Variants in CENPV observed in about 807,000 individuals in gnomAD.
CENPV encodes nuclear protein p30.
CENPV carries 15 observed loss-of-function variants against 26.4 expected under a neutral mutation model. The ratio of observed to expected loss-of-function variants is 0.57; its 90% CI spans 0.38 to 0.88. The LOEUF is 0.88. Among genes scored for constraint, CENPV ranks in the 40% least tolerant of loss-of-function variants. The pLI, the probability that CENPV is intolerant of heterozygous loss-of-function variation, is 0.00. For synonymous variants in CENPV, 172 were observed against 165.5 expected (o/e 1.04, Z -0.30); for missense variants, 336 against 376.5 (o/e 0.89, Z 0.89).
At position 16,349,937 on chromosome 17, in the gene CENPV, T is replaced by G. The variant is rs1174264702; in HGVS notation, c.503A>C (p.Asp168Ala). ...VWASADLHIF[D>A]CNCSICKKKQ... ...GGGAAAAAAAAATACTCACTTGCAG[T>G]CAAATATATGCAAGTCTGCTGAGGC... Residue 168 changes from aspartate (D) to alanine (A), a missense_variant, in exon 2 of 5, where the codon GAC (aspartate) becomes GCC (alanine). This residue lies in a region of CENPV where 155 missense variants were observed against 227.8 expected (regional missense o/e 0.68). Transcript: ENST00000299736. The G allele has an allele frequency of 4.3e-6, 7 of 1,611,696 alleles. No homozygotes were observed. Among genetic ancestry groups the G allele is most frequent in the Non-Finnish European group, 5.9e-6 (7 of 1,179,450 alleles).
chr17:16,345,546 C>A (rs571513742), intron 3 of CENPV, among the ~76,000 whole-genome samples: 4 of 151,932 alleles, frequency 2.6e-5, no homozygotes, highest in East Asian at 1.9e-4. Context: ...AAAAAAAAAT[C>A]TTGAAATAAC....
intron 2 of CENPV, chr17:16,349,521 C>G (rs2093220875): frequency 1.0e-6 from 1 of 988,270 alleles, no homozygotes. Context: ...GCCTGGGGAG[C>G]CTCCAGGTGT....
At position 16,342,781 on chromosome 17, in the gene CENPV, A is replaced by G. The variant is rs763232508; in HGVS notation, c.*36T>C. The G allele has an allele frequency of 4.5e-5, 73 of 1,613,252 alleles. No homozygotes were observed. Among genetic ancestry groups the G allele is most frequent in the Non-Finnish European group, 5.4e-5 (64 of 1,179,552 alleles). On this transcript the variant is annotated 3_prime_UTR_variant, in exon 5 of 5. Coordinates refer to ENST00000299736, the MANE Select transcript of CENPV (RefSeq NM_181716.3). ...AGGGAGAGCAAAGTTGCTGGCCCCA[A>G]TCATTCCTCCTTTTCAGGGCAGGAG...
At position 16,353,372 on chromosome 17, in the gene CENPV, G is replaced by GCGGAGACCC. The variant is rs2093235809; in HGVS notation, c.64_65insGGGTCTCCG (p.Ser21_Ala22insGlyValSer). ...AGCGGCCGCGGAGGCCGCGGGGGCC[G>GCGGAGACCC]CGGAGGCCCCGGACCGCTTCTGCCC... On this transcript the variant is annotated inframe_insertion, in exon 1 of 5. Coordinates refer to ENST00000299736, the MANE Select transcript of CENPV (RefSeq NM_181716.3). 4.0e-6 allele frequency: 5 copies of GCGGAGACCC among 1,239,940 alleles called. No homozygotes were observed. The highest frequency in any genetic ancestry group is 5.0e-6 in the Non-Finnish European group (5 of 994,358). The allele number at this position is 1,239,940 out of a possible 1,614,324, so 76.8% of individuals were successfully genotyped here. A position where few individuals can be genotyped will look rare whatever the true frequency, so the allele number is the denominator to read the frequency against.
intron 2 of CENPV, 196 bp downstream of exon 2, chr17:16,349,735 T>C: frequency 1.5e-6 from 2 of 1,371,858 alleles, no homozygotes; most frequent in South Asian, 1.7e-5. Context: ...GGCCATGCTG[T>C]TGAAGCTCTG....
At position 16,350,098 on chromosome 17, in the gene CENPV, G is replaced by A. The variant is rs2093222963; in HGVS notation, c.411-69C>T. ...TGCCTCCTGCTCTCTTTTTGTTGCT[G>A]AAAGAAAGACAGAAGATTAGACAAA... On this transcript the variant is annotated intron_variant, in intron 1 of 4. Transcript: ENST00000299736. The A allele has an allele frequency of 5.8e-6, 9 of 1,561,608 alleles. No individual in the cohort carries two copies. In the East Asian group the frequency reaches 9.1e-5, roughly 16 times the overall value.
At chr17:16,352,689 C>T (rs1033985325) in intron 1 of CENPV, among the ~76,000 whole-genome samples, 2 of 152,106 alleles carry the variant, frequency 1.3e-5, no homozygotes, top group Non-Finnish European at 1.5e-5. Flanking sequence ...AAGGCCCCCA[C>T]ACCCTTTGCG....
At position 16,353,444 on chromosome 17, in the gene CENPV, G is replaced by C; in HGVS notation, c.-8C>G. 8.9e-7 allele frequency: 1 copy of C among 1,126,346 alleles called. No homozygotes were observed. 69.8% of individuals were successfully genotyped at this position (1,126,346 alleles called of 1,614,324 possible). On this transcript the variant is annotated 5_prime_UTR_variant, in exon 1 of 5. Coordinates refer to ENST00000299736, the MANE Select transcript of CENPV (RefSeq NM_181716.3). The stretch of plus-strand genomic sequence containing the variant: ...GCTCCTCGATCGCCGCATGGCTCCC[G>C]CAGCCTGGCGCGCAGGCCTCGCAGC...
In CENPV at chr17:16,350,002, T is replaced by C. The variant is rs2093222613; in HGVS notation, c.438A>G (p.Thr146=). 6.2e-7 allele frequency: 1 copy of C among 1,613,808 alleles called. No individual in the cohort carries two copies. The highest frequency in any genetic ancestry group is 8.5e-7 in the Non-Finnish European group (1 of 1,180,000). Residue 146 remains threonine, a synonymous_variant, in exon 2 of 5, where the codon ACA becomes ACG. Coordinates refer to ENST00000299736, the MANE Select transcript of CENPV (RefSeq NM_181716.3). Reference sequence around the variant, plus strand: ...GAACTGCTCCACAGTGGCAGCCTCCTGTGTGCTTCACCAGGCCCTGGTATT... The same window carrying C: ...GAACTGCTCCACAGTGGCAGCCTCCCGTGTGCTTCACCAGGCCCTGGTATT... ...TFEYQGLVKH[T]GGCHCGAVRF...
intron 3 of CENPV, among the ~76,000 whole-genome samples, chr17:16,346,878 T>A (rs1025791396): frequency 6.6e-6 from 1 of 151,772 alleles, no homozygotes; most frequent in African/African-American, 2.4e-5. Context: ...TGAGACAAGA[T>A]CTCACTCTGT....
chr17:16,353,173 T>C lies in CENPV; in HGVS notation c.264A>G (p.Pro88=), dbSNP rs768145241. The C allele has an allele frequency of 4.9e-6, 7 of 1,423,956 alleles. No homozygotes were observed. The East Asian group carries it at 8.6e-5, about 18-fold the overall frequency. The allele number at this position is 1,423,956 out of a possible 1,614,324, so 88.2% of individuals were successfully genotyped here. Residue 88 remains proline, a synonymous_variant, in exon 1 of 5, where the codon CCA becomes CCG. Transcript: ENST00000299736. ...PPPPELALLP[P]PPPPPPTPAT... ...CGGGAGTCGGCGGCGGCGGCGGCGG[T>C]GGCGGGAGCAACGCCAGCTCAGGCG...
At position 16,353,361 on chromosome 17, in the gene CENPV, C is replaced by G. The variant is rs747816930; in HGVS notation, c.76G>C (p.Ala26Pro). 3.2e-6 allele frequency: 4 copies of G among 1,242,454 alleles called. No individual in the cohort carries two copies. Among genetic ancestry groups the G allele is most frequent in the South Asian group, 2.7e-5 (1 of 36,924 alleles). The allele number at this position is 1,242,454 out of a possible 1,614,324, so 77.0% of individuals were successfully genotyped here. ...GGTGCCAAGGCAGCGGCCGCGGAGGCCGCGGGGGCCGCGGAGGCCCCGGAC... is the reference window on the plus strand; with the variant it reads ...GGTGCCAAGGCAGCGGCCGCGGAGGGCGCGGGGGCCGCGGAGGCCCCGGAC... ...KRSGASAAPA[A>P]SAAAALAPSA... is the part of the protein sequence containing the mutation. The change falls in exon 1 of 5, where the codon GCC (alanine) becomes CCC (proline). Residue 26 changes from alanine to proline, a missense_variant. By Grantham distance (27) the Ala-to-Pro change is conservative. Transcript: ENST00000299736.
intron 4 of CENPV, chr17:16,344,281 CACCCCTCTCCTCCCT>C (rs2093195341): frequency 5.2e-6 from 1 of 192,228 alleles, no homozygotes; most frequent in African/African-American, 2.3e-5. Flanking sequence ...CCCATCTCCT[CACCCCTCTCCTCCCT>C]ACCCTTCAAC....
intron 1 of CENPV, 42 bp downstream of exon 1, chr17:16,352,985 G>A (rs763308276): frequency 6.6e-7 from 1 of 1,506,276 alleles, no homozygotes; most frequent in East Asian, 2.7e-5. Flanking sequence ...GAGGGGGTCC[G>A]CGTGGCAACG....
At chr17:16,345,514 T>C (rs1319146316) in intron 3 of CENPV, among the ~76,000 whole-genome samples, 2 of 151,864 alleles carry the variant, frequency 1.3e-5, no homozygotes, top group Non-Finnish European at 2.9e-5. Flanking sequence ...GAGGCTGCAG[T>C]GGGCTGAGAT....
chr17:16,348,922 C>T, intron 2 of CENPV: 1 of 1,313,584 alleles, frequency 7.6e-7, no homozygotes, highest in Non-Finnish European at 9.8e-7. Context: ...AACACAGGAC[C>T]AACAGACAGG....
Position 16,353,049 on chromosome 17 carries a change from C to T in CENPV, c.388G>A (p.Ala130Thr). 3 of 1,577,938 alleles carry T rather than the reference C, an allele frequency of 1.9e-6. No homozygotes were observed. The highest frequency in any genetic ancestry group is 1.4e-5 in the African/African-American group (1 of 71,266). Residue 130 changes from alanine to threonine, a missense_variant, in exon 1 of 5, where the codon GCC (alanine) becomes ACC (threonine). By Grantham distance (58) the Ala-to-Thr change is moderately conservative. Around this residue, in one of 2 missense-constraint regions of CENPV, gnomAD observed 155 missense variants for 227.8 expected, o/e 0.68. Transcript: ENST00000299736. Reference sequence around the variant, plus strand: ...CACAAGGTGTCTAGCAGGAGCTTGGCGGCACCCTCGGAGGTAAGCTTCTGC... The same window carrying T: ...CACAAGGTGTCTAGCAGGAGCTTGGTGGCACCCTCGGAGGTAAGCTTCTGC... ...KRQKLTSEGA[A>T]KLLLDTFEYQ...
chr17:16,347,245 G>A (rs1481734487), intron 3 of CENPV, among the ~76,000 whole-genome samples: 1 of 152,148 alleles, frequency 6.6e-6, no homozygotes, highest in Non-Finnish European at 1.5e-5. Flanking sequence ...TGAAGGGGAA[G>A]GGGTGGAGGT....
chr17:16,349,355 T>C, intron 2 of CENPV: 1 of 985,966 alleles, frequency 1.0e-6, no homozygotes, highest in Middle Eastern at 5.2e-4. Context: ...AAGGACTGGA[T>C]GCTGTTAAAT....
Sources: gnomAD v4.1 joint callset for allele counts (sites outside exome capture counted in the v4.1 genomes callset) on GRCh38, gnomAD v4.1.1 for gene constraint, gnomAD v4.1.1 regional missense constraint, MANE v1.5 for transcripts, NCBI Gene and HGNC (gene_info 2026-07-23, HGNC 2026-07-21) for gene names.